BCKDHB: variants seen among roughly 807,000 people sequenced by gnomAD.
The protein encoded by BCKDHB is 2-oxoisovalerate dehydrogenase subunit beta, mitochondrial.
Under a neutral mutation model 48.5 loss-of-function variants are expected in BCKDHB, and 41 were observed. The observed-to-expected ratio is 0.85, with a 90% CI of 0.66 to 1.10. The LOEUF is 1.10. Ranked by LOEUF, BCKDHB falls within the 50% of genes least tolerant of loss-of-function variation. The pLI is 0.00. For synonymous variants in BCKDHB, 201 were observed against 174.8 expected, an observed-to-expected ratio of 1.15 and a Z score of -1.18; for missense variants, 496 against 494.2, an observed-to-expected ratio of 1.00 and a Z score of -0.03.
intron 9 of BCKDHB, among the ~76,000 whole-genome samples, chr6:80,279,271 A>G (rs1778099873): frequency 6.6e-6 from 1 of 151,960 alleles, no homozygotes; most frequent in Non-Finnish European, 1.5e-5. Flanking sequence ...CTCCTGCCTC[A>G]GCCTCCCAAG....
At chr6:80,128,124 TTTGA>T (rs1233914364) in intron 2 of BCKDHB, among the ~76,000 whole-genome samples, 2 of 151,832 alleles carry the variant, frequency 1.3e-5, no homozygotes, top group African/African-American at 4.8e-5. Context: ...TGTTTTCAAA[TTTGA>T]TTGGCTTTAC....
At chr6:80,134,105 T>C (rs1770767399) in intron 3 of BCKDHB, among the ~76,000 whole-genome samples, 1 of 152,154 alleles carries the variant, frequency 6.6e-6, no homozygotes, top group Non-Finnish European at 1.5e-5. Context: ...TAAGGTATGT[T>C]TGTAACATTA....
the BCKDHB span, among the ~76,000 whole-genome samples, chr6:80,448,520 A>G: frequency 6.6e-6 from 1 of 152,120 alleles, no homozygotes; most frequent in Non-Finnish European, 1.5e-5. Context: ...AGCAAATTGG[A>G]AGGATCCAGG....
intron 9 of BCKDHB, among the ~76,000 whole-genome samples, chr6:80,291,103 A>G (rs1426284085): frequency 1.3e-5 from 2 of 152,192 alleles, no homozygotes; most frequent in Admixed American, 6.5e-5. Flanking sequence ...TGGAATGCCT[A>G]ACTGTCTGGG....
At chr6:80,361,833 G>A in the BCKDHB span, among the ~76,000 whole-genome samples, 1 of 152,146 alleles carries the variant, frequency 6.6e-6, no homozygotes, top group Non-Finnish European at 1.5e-5. Flanking sequence ...GCACACAGAG[G>A]ACACATTTTG....
chr6:80,273,320 C>A, intron 9 of BCKDHB, 99 bp downstream of exon 9: 1 of 1,074,698 alleles, frequency 9.3e-7, no homozygotes, highest in Non-Finnish European at 1.4e-6. Context: ...AAAGCATACA[C>A]TTTATGGAAA....
Position 80,308,739 on chromosome 6 carries a change from C to T in BCKDHB, c.1039-34925C>T, listed in dbSNP as rs544268020. ...CCTCCCGAGTAGCTGGGACTACAGG[C>T]GCCCGCCACCACGCCCGGCTAATTT... On this transcript the variant is annotated intron_variant, in intron 9 of 9. Transcript: ENST00000320393. Among the ~76,000 whole-genome samples, 409 of 151,874 alleles carry T rather than the reference C, an allele frequency of 2.7e-3. 2 individuals carry two copies. The highest frequency in any genetic ancestry group is 4.7e-3 in the Non-Finnish European group (321 of 67,926).
At chr6:80,270,697 A>G (rs764975435) in intron 8 of BCKDHB, among the ~76,000 whole-genome samples, 2 of 152,076 alleles carry the variant, frequency 1.3e-5, no homozygotes. Flanking sequence ...TCATTTTGTC[A>G]AGTATCTAAC....
the BCKDHB span, among the ~76,000 whole-genome samples, chr6:80,431,434 A>G: frequency 1.3e-5 from 2 of 152,186 alleles, no homozygotes; most frequent in Non-Finnish European, 1.5e-5. Flanking sequence ...AAAGTCTCCA[A>G]CTATTATTGT....
At chr6:80,111,690 C>T (rs1367702139) in intron 1 of BCKDHB, among the ~76,000 whole-genome samples, 4 of 152,128 alleles carry the variant, frequency 2.6e-5, no homozygotes, top group African/African-American at 9.7e-5. Flanking sequence ...AATAACTATT[C>T]TCAGAACCAA....
At chr6:80,365,224 T>C in the BCKDHB span, among the ~76,000 whole-genome samples, 1 of 152,178 alleles carries the variant, frequency 6.6e-6, no homozygotes, top group African/African-American at 2.4e-5. Context: ...CTATGTTCAG[T>C]GGTGCATGTA....
chr6:80,122,975 C>A (rs1307867187), intron 1 of BCKDHB, among the ~76,000 whole-genome samples: 1 of 149,032 alleles, frequency 6.7e-6, no homozygotes, highest in African/African-American at 2.5e-5. Flanking sequence ...CCCCTCCCCC[C>A]CGGCCCCCCC....
chr6:80,374,786 T>C, the BCKDHB span, among the ~76,000 whole-genome samples: 1 of 152,190 alleles, frequency 6.6e-6, no homozygotes, highest in Non-Finnish European at 1.5e-5. Context: ...TTTGTGTATT[T>C]CAAAGATTTG....
chr6:80,155,340 T>C (rs1582248143), intron 3 of BCKDHB, among the ~76,000 whole-genome samples: 1 of 152,070 alleles, frequency 6.6e-6, no homozygotes, highest in Admixed American at 6.6e-5. Flanking sequence ...GATAACAAGG[T>C]CTAATTTAAT....
At chr6:80,406,726 G>C in the BCKDHB span, among the ~76,000 whole-genome samples, 3 of 152,070 alleles carry the variant, frequency 2.0e-5, no homozygotes, top group Non-Finnish European at 2.9e-5. Flanking sequence ...TTGTAAATTT[G>C]TTTAAGTTCT....
chr6:80,139,225 T>TG (rs1771058175), intron 3 of BCKDHB, among the ~76,000 whole-genome samples: 2 of 152,278 alleles, frequency 1.3e-5, no homozygotes, highest in African/African-American at 4.8e-5. Context: ...ATGAGTAAGT[T>TG]GTGAAAATTT....
the BCKDHB span, among the ~76,000 whole-genome samples, chr6:80,446,049 A>T: frequency 3.3e-5 from 5 of 152,202 alleles, no homozygotes; most frequent in Non-Finnish European, 5.9e-5. Flanking sequence ...AAGGAATGAG[A>T]TTTGTTTGGA....
intron 8 of BCKDHB, among the ~76,000 whole-genome samples, chr6:80,224,940 C>T (rs894121849): frequency 3.3e-5 from 5 of 152,126 alleles, no homozygotes; most frequent in African/African-American, 9.7e-5. Flanking sequence ...AGTGAGGCAA[C>T]CAGTTCTTTT....
chr6:80,445,988 G>T, the BCKDHB span, among the ~76,000 whole-genome samples: 1 of 152,134 alleles, frequency 6.6e-6, no homozygotes, highest in Non-Finnish European at 1.5e-5. Flanking sequence ...AGAATGTTCA[G>T]GAAACAGGGA....
Sources: allele counts gnomAD v4.1 joint callset (sites outside exome capture counted in the v4.1 genomes callset), GRCh38; gene constraint gnomAD v4.1.1; transcripts MANE v1.5; gene names NCBI Gene and HGNC (gene_info 2026-07-23, HGNC 2026-07-21).